The following GNA14 variants were observed in gnomAD, a reference collection of about 807,000 sequenced individuals.
GNA14 encodes G protein subunit alpha 14.
Under a neutral mutation model 42.0 loss-of-function variants are expected in GNA14, and 50 were observed. That is an observed-to-expected ratio of 1.19 (90% confidence interval 0.95 to 1.51). The LOEUF (loss-of-function observed/expected upper bound fraction) is 1.51. Ranked by LOEUF, GNA14 falls within the 40% of genes most tolerant of loss-of-function variation. The probability of loss-of-function intolerance (pLI) is 0.00; values close to 1 mark genes in which losing one functional copy is unlikely to be tolerated. For missense variants in GNA14, 473 were observed against 446.2 expected (o/e 1.06, Z -0.54); for synonymous variants, 173 against 163.1 (o/e 1.06, Z -0.46).
intron 1 of GNA14, among the ~76,000 whole-genome samples, chr9:77,574,411 C>T (rs916727940): frequency 1.3e-5 from 2 of 152,166 alleles, no homozygotes; most frequent in Non-Finnish European, 2.9e-5. Flanking sequence ...TCCCGGACTG[C>T]CATGGGTCTG....
chr9:77,581,999 A>G lies in GNA14; in HGVS notation c.125-52746T>C, dbSNP rs117520695. 2.7e-3 allele frequency among the ~76,000 whole-genome samples: 409 copies of G among 152,264 alleles called. 1 individual carries two copies. Among genetic ancestry groups the G allele is most frequent in the Non-Finnish European group, 5.1e-3 (346 of 68,014 alleles). On this transcript the variant is annotated intron_variant, in intron 1 of 6. Transcript: ENST00000341700. ...TCTCTTCAATCACAACTTCAGCTCA[A>G]TCCAGCTCCCTGAAGCTCATAAACA... is the stretch of plus-strand genomic sequence containing the variant.
chr9:77,498,176 C>A (rs1836903982), intron 2 of GNA14, among the ~76,000 whole-genome samples: 2 of 152,018 alleles, frequency 1.3e-5, no homozygotes, highest in African/African-American at 4.8e-5. Flanking sequence ...GAGTTCAAGA[C>A]TAGCCTGACC....
At chr9:77,435,129 C>A (rs1036561647) in intron 2 of GNA14, among the ~76,000 whole-genome samples, 1 of 150,920 alleles carries the variant, frequency 6.6e-6, no homozygotes, top group East Asian at 2.0e-4. Flanking sequence ...GAGGCCGAGG[C>A]GGGCCGATCA....
intron 2 of GNA14, among the ~76,000 whole-genome samples, chr9:77,515,504 T>C (rs1033525565): frequency 6.6e-6 from 1 of 152,234 alleles, no homozygotes. Flanking sequence ...TGATCTGCTA[T>C]TGGGTTCCCC....
At chr9:77,539,698 T>C (rs1398562655) in intron 1 of GNA14, among the ~76,000 whole-genome samples, 2 of 152,150 alleles carry the variant, frequency 1.3e-5, no homozygotes, top group Non-Finnish European at 2.9e-5. Flanking sequence ...TGTAATTGAT[T>C]GGTTTAGGTT....
intron 2 of GNA14, among the ~76,000 whole-genome samples, chr9:77,514,608 ATTTTT>A (rs34158312): frequency 1.5e-4 from 21 of 136,730 alleles, no homozygotes; most frequent in African/African-American, 4.1e-4. Context: ...ATAATATCAG[ATTTTT>A]TTTTTTTTTT....
At chr9:77,575,400 CTAG>C (rs779393726) in intron 1 of GNA14, among the ~76,000 whole-genome samples, 5 of 152,056 alleles carry the variant, frequency 3.3e-5, no homozygotes, top group Non-Finnish European at 7.4e-5. Flanking sequence ...AGAAAGAAAA[CTAG>C]ACATTACACA....
At chr9:77,479,169 G>T (rs1043265006) in intron 2 of GNA14, among the ~76,000 whole-genome samples, 2 of 152,156 alleles carry the variant, frequency 1.3e-5, no homozygotes, top group Admixed American at 6.5e-5. Context: ...TAACATTTAA[G>T]TCTTTAATCC....
At chr9:77,631,192 T>C (rs181940699) in intron 1 of GNA14, among the ~76,000 whole-genome samples, 235 of 152,266 alleles carry the variant, frequency 1.5e-3, no homozygotes, top group African/African-American at 4.5e-3. Context: ...TTCCATCTTA[T>C]GGTAAAATAT....
At chr9:77,636,331 C>A (rs780750900) in intron 1 of GNA14, among the ~76,000 whole-genome samples, 12 of 152,118 alleles carry the variant, frequency 7.9e-5, no homozygotes, top group Non-Finnish European at 1.6e-4. Context: ...ATAAAACATA[C>A]ATTTTACTTT....
chr9:77,475,993 T>C (rs556184546), intron 2 of GNA14, among the ~76,000 whole-genome samples: 1 of 152,278 alleles, frequency 6.6e-6, no homozygotes, highest in Admixed American at 6.5e-5. Context: ...CCCTTGAGCT[T>C]AGACTTCTGA....
chr9:77,457,090 C>T (rs1564019807), intron 2 of GNA14, among the ~76,000 whole-genome samples: 1 of 152,196 alleles, frequency 6.6e-6, no homozygotes, highest in Non-Finnish European at 1.5e-5. Context: ...TACTTTATAC[C>T]TAACACTTAC....
chr9:77,624,991 G>T (rs2077865633), intron 1 of GNA14, among the ~76,000 whole-genome samples: 1 of 151,614 alleles, frequency 6.6e-6, no homozygotes, highest in South Asian at 2.1e-4. Context: ...CCAATGCAAA[G>T]AACCTAAGAA....
chr9:77,587,138 A>C (rs1823319369), intron 1 of GNA14, among the ~76,000 whole-genome samples: 1 of 152,178 alleles, frequency 6.6e-6, no homozygotes, highest in Non-Finnish European at 1.5e-5. Flanking sequence ...AAGAAAAGAA[A>C]AGAACAAGTG....
intron 2 of GNA14, among the ~76,000 whole-genome samples, chr9:77,507,660 G>A (rs540590347): frequency 6.6e-6 from 1 of 152,188 alleles, no homozygotes; most frequent in South Asian, 2.1e-4. Context: ...ACAGCCGTTT[G>A]TTTTTAACGG....
chr9:77,570,499 T>C (rs958417499), intron 1 of GNA14, among the ~76,000 whole-genome samples: 2 of 152,244 alleles, frequency 1.3e-5, no homozygotes, highest in Non-Finnish European at 2.9e-5. Flanking sequence ...TATGTGTTTT[T>C]TGCATGCATA....
intron 2 of GNA14, among the ~76,000 whole-genome samples, chr9:77,440,439 G>A (rs1027555374): frequency 1.3e-5 from 2 of 152,222 alleles, no homozygotes; most frequent in African/African-American, 2.4e-5. Flanking sequence ...GCAGGGCTCC[G>A]AGCTCTCTGT....
rs572417659 is a variant in GNA14 at position 77,562,865 on chromosome 9, C to A, written c.125-33612G>T. 5.9e-5 allele frequency among the ~76,000 whole-genome samples: 9 copies of A among 152,266 alleles called. No individual in the cohort carries two copies. The South Asian group carries it at 1.9e-3, about 32-fold the overall frequency. ...ATGAAATGCTGGGTCCCATTCCAAG[C>A]CAACTCACTGTAAGTGGTCTTTTCC... On this transcript the variant is annotated intron_variant, in intron 1 of 6. Transcript: ENST00000341700.
intron 1 of GNA14, among the ~76,000 whole-genome samples, chr9:77,579,973 T>G (rs1258833217): frequency 6.6e-6 from 1 of 152,262 alleles, no homozygotes. Flanking sequence ...GCCAGGGTTT[T>G]GGGAATTTTT....
Sources: gnomAD v4.1 joint callset for allele counts (sites outside exome capture counted in the v4.1 genomes callset) on GRCh38, gnomAD v4.1.1 for gene constraint, MANE v1.5 for transcripts, NCBI Gene and HGNC (gene_info 2026-07-23, HGNC 2026-07-21) for gene names.